The following SPOCD1 variants were observed in gnomAD, a reference collection of about 807,000 sequenced individuals.
SPOCD1 encodes the protein SPOC domain-containing protein 1.
In SPOCD1, 64 loss-of-function variants were observed where a neutral mutation model predicts 92.2. The observed-to-expected ratio is 0.69, with a 90% CI of 0.57 to 0.86. The LOEUF is 0.86. Ranked by LOEUF, SPOCD1 falls within the 40% of genes least tolerant of loss-of-function variation. The pLI is 0.00. For missense variants in SPOCD1, 1,360 were observed against 1,543.1 expected (o/e 0.88, Z 1.99); for synonymous variants, 578 against 619.3 (o/e 0.93, Z 0.99).
intron 2 of SPOCD1, among the ~76,000 whole-genome samples, chr1:31,813,333 T>C (rs1198470814): frequency 6.6e-6 from 1 of 152,212 alleles, no homozygotes; most frequent in Non-Finnish European, 1.5e-5. Flanking sequence ...AGTGGTGCGA[T>C]CTCAGCTCAC....
At chr1:31,803,458 A>C (rs1213360339) in intron 2 of SPOCD1, among the ~76,000 whole-genome samples, 1 of 151,964 alleles carries the variant, frequency 6.6e-6, no homozygotes, top group Non-Finnish European at 1.5e-5. Flanking sequence ...TGAAGCACTA[A>C]GAGACACATC....
At chr1:31,796,195 C>G (rs933285252) in intron 10 of SPOCD1, 1 of 330,750 alleles carries the variant, frequency 3.0e-6, no homozygotes, top group Non-Finnish European at 5.9e-6. Flanking sequence ...CATCCCTAAA[C>G]CAATCCACTG....
intron 10 of SPOCD1, chr1:31,796,074 G>A (rs993302178): frequency 6.1e-5 from 13 of 211,856 alleles, no homozygotes; most frequent in African/African-American, 1.6e-4. Flanking sequence ...GATCCTCAGC[G>A]CCAAGAGCCC....
Position 31,814,664 on chromosome 1 carries a change from C to T in SPOCD1, c.670G>A (p.Asp224Asn), listed in dbSNP as rs1008573342. 4 of 1,554,646 alleles carry T rather than the reference C, an allele frequency of 2.6e-6. No individual in the cohort carries two copies. The change falls in exon 2 of 16, where the codon GAC (aspartate) becomes AAC (asparagine). Residue 224 changes from aspartate (D) to asparagine (N), a missense_variant. Around this residue, in one of 3 missense-constraint regions of SPOCD1, gnomAD observed 606 missense variants for 601.5 expected, o/e 1.01. Transcript: ENST00000360482. This position sits in a 1 kb window ranked among gnomAD's most constrained non-coding sequence, Gnocchi z 4.2. ...AHSECEEGAG[D>N]FLWLDQSPRG... ...GGGCTCTGATCAAGCCACAGGAAGT[C>T]ACCAGCCCCTTCCTCACACTCTGAA...
At position 31,814,218 on chromosome 1, in the gene SPOCD1, G is replaced by A; in HGVS notation, c.1116C>T (p.Ser372=). ...EELEAKAQPA[S]RGRLEQGLAA... Reference sequence around the variant, plus strand: ...CGAGTCCTTGCTCCAGCCTTCCCCTGGAAGCTGGCTGAGCCTTGGCCTCCA... The same window carrying A: ...CGAGTCCTTGCTCCAGCCTTCCCCTAGAAGCTGGCTGAGCCTTGGCCTCCA... Residue 372 remains serine, a synonymous_variant, in exon 2 of 16, where the codon TCC becomes TCT. Transcript: ENST00000360482. This position sits in a 1 kb window ranked among gnomAD's most constrained non-coding sequence, Gnocchi z 4.2. The A allele has an allele frequency of 6.3e-7, 1 of 1,579,960 alleles. No homozygotes were observed. Among genetic ancestry groups the A allele is most frequent in the Non-Finnish European group, 8.6e-7 (1 of 1,162,304 alleles).
intron 2 of SPOCD1, among the ~76,000 whole-genome samples, chr1:31,808,602 C>T (rs1295459272): frequency 4.0e-5 from 6 of 151,782 alleles, no homozygotes; most frequent in Non-Finnish European, 7.4e-5. Context: ...TAAGGTGAAA[C>T]GATGACCACA....
At position 31,790,729 on chromosome 1, in the gene SPOCD1, G is replaced by A; in HGVS notation, c.3525C>T (p.Ile1175=). Residue 1175 remains isoleucine (I), a synonymous_variant, in exon 16 of 16, where the codon ATC becomes ATT. Coordinates refer to ENST00000360482, the MANE Select transcript of SPOCD1 (RefSeq NM_144569.7). ...TAGACAAACGCTGCAGAGGGCGGGGGATGGAGCTCTTGGTCTGGGGGCACA... is the reference window on the plus strand; with the variant it reads ...TAGACAAACGCTGCAGAGGGCGGGGAATGGAGCTCTTGGTCTGGGGGCACA... ...ALLCPQTKSS[I]PRPLQRLSSA... The A allele has an allele frequency of 6.4e-7, 1 of 1,552,068 alleles. No individual in the cohort carries two copies. The highest frequency in any genetic ancestry group is 8.7e-7 in the Non-Finnish European group (1 of 1,147,146).
In SPOCD1 at chr1:31,791,093, C is replaced by T. The variant is rs760233650; in HGVS notation, c.3161G>A (p.Arg1054Lys). Reference protein sequence around the residue: ...EKRYYQPDDRRPNVPLKGTPP... With the variant: ...EKRYYQPDDRKPNVPLKGTPP... ...GGTGCCCTTCAGGGGCACATTCGGC[C>T]TCCTGTCATCTGGCTGATAGTATCT... Residue 1054 changes from arginine (R) to lysine (K), a missense_variant, in exon 16 of 16, where the codon AGG becomes AAG. Around this residue, in one of 3 missense-constraint regions of SPOCD1, gnomAD observed 614 missense variants for 757.8 expected, o/e 0.81. Transcript: ENST00000360482. The T allele has an allele frequency of 1.2e-6, 2 of 1,613,064 alleles. No homozygotes were observed. The highest frequency in any genetic ancestry group is 1.7e-5 in the Admixed American group (1 of 59,990).
chr1:31,799,169 C>T (rs567367867), intron 7 of SPOCD1, among the ~76,000 whole-genome samples: 2 of 152,244 alleles, frequency 1.3e-5, no homozygotes, highest in East Asian at 1.9e-4. Flanking sequence ...GGACCTGAGC[C>T]GAGGCTGAGA....
chr1:31,793,742 C>T lies in SPOCD1; in HGVS notation c.2534+5G>A, dbSNP rs1350172021. 1.1e-5 allele frequency: 18 copies of T among 1,613,972 alleles called. No homozygotes were observed. Among genetic ancestry groups the T allele is most frequent in the Non-Finnish European group, 8.5e-6 (10 of 1,180,048 alleles). On this transcript the variant is annotated splice_donor_5th_base_variant and intron_variant, in intron 12 of 15. Coordinates refer to ENST00000360482, the MANE Select transcript of SPOCD1 (RefSeq NM_144569.7). ...TTATCCACCTCCCTGCTCCCAACCC[C>T]ACACCTGTCCTGTGGTTCCGTGGGA...
chr1:31,807,533 T>C (rs1648917856), intron 2 of SPOCD1, among the ~76,000 whole-genome samples: 1 of 150,384 alleles, frequency 6.6e-6, no homozygotes, highest in Admixed American at 6.7e-5. Context: ...ATGTTAAGTC[T>C]ATGAATGCAG....
Position 31,798,058 on chromosome 1 carries a change from C to T in SPOCD1, c.2145+149G>A. Reference sequence around the variant, plus strand: ...TCTCTTGTGGGGAGGGTCTCTCTGACTCCCTATCTGCCTTCTCTGTTTCCT... The same window carrying T: ...TCTCTTGTGGGGAGGGTCTCTCTGATTCCCTATCTGCCTTCTCTGTTTCCT... On this transcript the variant is annotated intron_variant, in intron 9 of 15. Transcript: ENST00000360482. The surrounding 1 kb of genome is among the most constrained non-coding windows in gnomAD (Gnocchi z 4.1). 3.0e-6 allele frequency: 2 copies of T among 657,578 alleles called. No homozygotes were observed. The highest frequency in any genetic ancestry group is 1.8e-5 in the South Asian group (1 of 57,042). The allele number at this position is 657,578 out of a possible 1,614,324, so 40.7% of individuals were successfully genotyped here. A position where few individuals can be genotyped will look rare whatever the true frequency, so the allele number is the denominator to read the frequency against.
At position 31,800,018 on chromosome 1, in the gene SPOCD1, G is replaced by A. The variant is rs1382159252; in HGVS notation, c.1726C>T (p.Gln576Ter). 1 of 1,612,056 alleles carries A rather than the reference G, an allele frequency of 6.2e-7. No individual in the cohort carries two copies. The highest frequency in any genetic ancestry group is 8.5e-7 in the Non-Finnish European group (1 of 1,178,966). Residue 576 changes from glutamine (Q) to a stop codon, truncating the protein, a stop_gained and splice_region_variant, in exon 5 of 16, where the codon CAG becomes TAG. Coordinates refer to ENST00000360482, the MANE Select transcript of SPOCD1 (RefSeq NM_144569.7). LOFTEE classifies it high-confidence loss of function. Reference sequence around the variant, plus strand: ...ATGGCCGGGGCAGAACAACTTGCCTGGGAACATGCAGGGTCCGAGCTGGGG... The same window carrying A: ...ATGGCCGGGGCAGAACAACTTGCCTAGGAACATGCAGGGTCCGAGCTGGGG... Reference protein sequence around the residue: ...GDPSSDPACSQSGPMEAEEDS... With the variant: ...GDPSSDPACS
chr1:31,799,379 G>A (rs763167541), intron 7 of SPOCD1, 22 bp downstream of exon 7: 8 of 1,594,488 alleles, frequency 5.0e-6, no homozygotes, highest in Middle Eastern at 1.7e-4. Context: ...GGATGTCAGG[G>A]GAGTGGGGAG....
At chr1:31,804,443 C>T (rs1425906549) in intron 2 of SPOCD1, among the ~76,000 whole-genome samples, 1 of 152,162 alleles carries the variant, frequency 6.6e-6, no homozygotes, top group Non-Finnish European at 1.5e-5. Flanking sequence ...ATTAGACTAA[C>T]AGCTACTTTC....
Position 31,790,940 on chromosome 1 carries a change from T to C in SPOCD1, c.3314A>G (p.His1105Arg). The C allele has an allele frequency of 6.4e-7, 1 of 1,571,316 alleles. No homozygotes were observed. Among genetic ancestry groups the C allele is most frequent in the South Asian group, 1.2e-5 (1 of 84,038 alleles). ...TGGGGGCCACTGCCCTCGCCCAGGA[T>C]GCTGCCAGTTTTCAGGCTCTGGCCA... Reference protein sequence around the residue: ...RLWPEPENWQHPGRGQWPPEP... With the variant: ...RLWPEPENWQRPGRGQWPPEP... The change falls in exon 16 of 16, where the codon CAT (histidine) becomes CGT (arginine). Residue 1105 changes from histidine to arginine, a missense_variant. Physicochemically the swap from His to Arg is conservative, Grantham distance 29. Around this residue, in one of 3 missense-constraint regions of SPOCD1, gnomAD observed 614 missense variants for 757.8 expected, o/e 0.81. Transcript: ENST00000360482.
At chr1:31,815,778 C>CT (rs1317124319) in intron 1 of SPOCD1, 183 bp downstream of exon 1, 1 of 156,152 alleles carries the variant, frequency 6.4e-6, no homozygotes, top group African/African-American at 2.4e-5. Context: ...GGCCAGGAGT[C>CT]TCTCTCCCAG....
intron 13 of SPOCD1, 101 bp from the exon 14 acceptor site, chr1:31,792,868 G>A: frequency 1.1e-6 from 1 of 940,698 alleles, no homozygotes; most frequent in Non-Finnish European, 1.7e-6. Flanking sequence ...TGGCAAATAT[G>A]GGCAGGCAGT....
chr1:31,814,288 G>A lies in SPOCD1; in HGVS notation c.1046C>T (p.Thr349Ile). The A allele has an allele frequency of 6.3e-7, 1 of 1,579,838 alleles. No individual in the cohort carries two copies. The highest frequency in any genetic ancestry group is 8.6e-7 in the Non-Finnish European group (1 of 1,159,790). Residue 349 changes from threonine (T) to isoleucine (I), a missense_variant, in exon 2 of 16, where the codon ACT (threonine) becomes ATT (isoleucine). Transcript: ENST00000360482. This position sits in a 1 kb window ranked among gnomAD's most constrained non-coding sequence, Gnocchi z 4.2. The stretch of plus-strand genomic sequence containing the variant: ...TGGAGCCTGGCCTTCATCGCTGCCA[G>A]TCCGCACGACACACACAGCTTCTTG... ...EQQEAVCVVR[T>I]GSDEGQAPAQ... is the part of the protein sequence containing the mutation.
Sources: gnomAD v4.1 joint callset for allele counts (sites outside exome capture counted in the v4.1 genomes callset) on GRCh38, gnomAD v4.1.1 for gene constraint, gnomAD v4.1.1 regional missense constraint, Gnocchi (gnomAD v3.1) non-coding constraint, MANE v1.5 for transcripts, NCBI Gene and HGNC (gene_info 2026-07-23, HGNC 2026-07-21) for gene names.